LRIT1: variants seen among roughly 807,000 people sequenced by gnomAD.
LRIT1 encodes leucine rich repeat, Ig-like and transmembrane domains 1, also known as leucine-rich repeat, immunoglobulin-like domain and transmembrane domain-containing protein 1.
A neutral mutation model predicts 24.0 loss-of-function variants in LRIT1; 23 were observed. That is an observed-to-expected ratio of 0.96 (90% CI 0.69 to 1.36). LRIT1 has a LOEUF of 1.36. Among genes scored for constraint, LRIT1 ranks in the 40% most tolerant of loss-of-function variants. The pLI is 0.00. For missense variants in LRIT1, 846 were observed against 806.3 expected (o/e 1.05, Z -0.60); for synonymous variants, 361 against 340.5 (o/e 1.06, Z -0.66).
intron 1 of LRIT1, among the ~76,000 whole-genome samples, chr10:84,238,209 G>T (rs1842668165): frequency 6.6e-6 from 1 of 151,972 alleles, no homozygotes; most frequent in East Asian, 1.9e-4. Flanking sequence ...ACAAAAATTA[G>T]CCAGGCATTG....
At chr10:84,240,177 A>G (rs1412138835) in intron 1 of LRIT1, among the ~76,000 whole-genome samples, 1 of 152,170 alleles carries the variant, frequency 6.6e-6, no homozygotes, top group African/African-American at 2.4e-5. Context: ...TTTCAGCCCT[A>G]TGCCTTCTAC....
intron 2 of LRIT1, among the ~76,000 whole-genome samples, chr10:84,235,095 G>A (rs1316540651): frequency 6.6e-6 from 1 of 152,150 alleles, no homozygotes; most frequent in Non-Finnish European, 1.5e-5. Flanking sequence ...TTGCATTACT[G>A]AAATGCAAGA....
chr10:84,237,175 G>GT, intron 2 of LRIT1, 45 bp downstream of exon 2: 1 of 1,360,392 alleles, frequency 7.4e-7, no homozygotes, highest in Non-Finnish European at 1.0e-6. Context: ...TCAGGGAAGC[G>GT]TGGTAACTTG....
At chr10:84,237,830 A>G (rs933502331) in intron 1 of LRIT1, 144 bp from the exon 2 acceptor site, 4 of 650,750 alleles carry the variant, frequency 6.1e-6, no homozygotes, top group Non-Finnish European at 5.2e-6. Context: ...GGGGACCTGG[A>G]GAGGGGCCCG....
rs147135125 is a variant in LRIT1 at position 84,241,339 on chromosome 10, A to G, written c.101T>C (p.Met34Thr). The change falls in exon 1 of 4, where the codon ATG becomes ACG. Residue 34 changes from methionine to threonine, a missense_variant. Physicochemically the swap from Met to Thr is moderately conservative, Grantham distance 81 (BLOSUM62 -1). Transcript: ENST00000372105. ...PSQCSCSLHI[M>T]GDGSKARTVV... ...ATACCTGGCCTTGCTGCCATCACCC[A>G]TGATATGGAGGCTGCAGCTGCATTG... The G allele has an allele frequency of 6.3e-5, 102 of 1,613,642 alleles. No homozygotes were observed. In the African/African-American group the frequency reaches 1.3e-3, roughly 20 times the overall value.
intron 3 of LRIT1, 66 bp from the exon 4 acceptor site, chr10:84,232,969 GC>G: frequency 1.3e-6 from 2 of 1,537,384 alleles, no homozygotes; most frequent in Non-Finnish European, 1.7e-6. Flanking sequence ...GCCTTTCAGG[GC>G]CAAGTTCACA....
intron 1 of LRIT1, among the ~76,000 whole-genome samples, chr10:84,240,465 A>G (rs1243465013): frequency 2.0e-5 from 3 of 152,238 alleles, no homozygotes; most frequent in Non-Finnish European, 4.4e-5. Flanking sequence ...CATTGTTCCC[A>G]GGATCAGAAA....
In LRIT1 at chr10:84,238,678, G is replaced by A. The variant is rs1589324777; in HGVS notation, c.123-992C>T. ...TTTAAATGAGGTAATGCATGTGGAAGCCCAGCACATTGCCTGCCACCCTGC... is the reference window on the plus strand; with the variant it reads ...TTTAAATGAGGTAATGCATGTGGAAACCCAGCACATTGCCTGCCACCCTGC... On this transcript the variant is annotated intron_variant, in intron 1 of 3. Coordinates refer to ENST00000372105, the MANE Select transcript of LRIT1 (RefSeq NM_015613.3). 3.3e-5 allele frequency among the ~76,000 whole-genome samples: 5 copies of A among 152,302 alleles called. No individual in the cohort carries two copies. The Middle Eastern group carries it at 0.01, about 311-fold the overall frequency.
At position 84,232,134 on chromosome 10, in the gene LRIT1, G is replaced by A. The variant is rs1842603889; in HGVS notation, c.1665C>T (p.Arg555=). 1 of 1,614,206 alleles carries A rather than the reference G, an allele frequency of 6.2e-7. No homozygotes were observed. The change falls in exon 4 of 4, where the codon CGC becomes CGT. Residue 555 remains arginine, a synonymous_variant. Coordinates refer to ENST00000372105, the MANE Select transcript of LRIT1 (RefSeq NM_015613.3). ...AGTCCTTGTTGAAGCACTTTCGGCA[G>A]CGCTTCTGAAGAGCACTGCAGCAGA... ...LLVCCSALQK[R]CRKCFNKDST... is the part of the protein sequence containing the mutation.
rs548652543 is a variant in LRIT1, at chr10:84,232,994, C to T, written c.896-91G>A. 128 of 1,393,198 alleles carry T rather than the reference C, an allele frequency of 9.2e-5. No individual in the cohort carries two copies. The East Asian group carries it at 1.8e-3, about 19-fold the overall frequency. 86.3% of individuals were successfully genotyped at this position (1,393,198 alleles called of 1,614,324 possible). On this transcript the variant is annotated intron_variant, in intron 3 of 3. Coordinates refer to ENST00000372105, the MANE Select transcript of LRIT1 (RefSeq NM_015613.3). ...GCCAAGTTCACAGCCCCAGGTGGTA[C>T]ACACTCAGGTGTCATCGTAAGAAAA...
intron 1 of LRIT1, among the ~76,000 whole-genome samples, chr10:84,238,143 CA>C: frequency 6.6e-6 from 1 of 152,254 alleles, no homozygotes; most frequent in East Asian, 1.9e-4. Context: ...CACCTGAGGT[CA>C]GGAGTTCAAG....
Position 84,234,271 on chromosome 10 carries a change from C to T in LRIT1, c.697G>A (p.Ala233Thr). Residue 233 changes from alanine to threonine, a missense_variant, in exon 3 of 4, where the codon GCC becomes ACC. Coordinates refer to ENST00000372105, the MANE Select transcript of LRIT1 (RefSeq NM_015613.3). ...ACTCCGGCCAGGCTACGTGGGCTGG[C>T]ACATCTCAGTTCAGTCTCAATGAAG... Reference protein sequence around the residue: ...LAFIETELRCASPRSLAGVAF... With the variant: ...LAFIETELRCTSPRSLAGVAF... The T allele has an allele frequency of 6.2e-7, 1 of 1,613,804 alleles. No individual in the cohort carries two copies. Among genetic ancestry groups the T allele is most frequent in the East Asian group, 2.2e-5 (1 of 44,882 alleles).
chr10:84,237,794 A>C, intron 1 of LRIT1, 108 bp from the exon 2 acceptor site: 5 of 826,718 alleles, frequency 6.0e-6, no homozygotes, highest in African/African-American at 3.4e-5. Context: ...ATCACCGGAC[A>C]CCCACACCAG....
intron 2 of LRIT1, among the ~76,000 whole-genome samples, chr10:84,236,618 T>A (rs764818304): frequency 1.3e-5 from 2 of 152,230 alleles, no homozygotes; most frequent in Non-Finnish European, 2.9e-5. Context: ...TATGTATGTG[T>A]GTATATGTAT....
In LRIT1 at chr10:84,237,485, G is replaced by A; in HGVS notation, c.324C>T (p.Arg108=). Residue 108 remains arginine (R), a synonymous_variant, in exon 2 of 4, where the codon CGC becomes CGT. Transcript: ENST00000372105. ...TCCCGGGCAGCCGCAGCTCCCGCAG[G>A]CGTCGCAGGCCCCGCAGCATGAGGG... is the stretch of plus-strand genomic sequence containing the variant. ...LNALMLRGLR[R]LRELRLPGNR... is the part of the protein sequence containing the mutation. The A allele has an allele frequency of 1.3e-6, 2 of 1,589,968 alleles. No individual in the cohort carries two copies. Among genetic ancestry groups the A allele is most frequent in the Non-Finnish European group, 1.7e-6 (2 of 1,172,236 alleles).
intron 1 of LRIT1, among the ~76,000 whole-genome samples, chr10:84,239,377 G>A (rs1287863635): frequency 6.6e-6 from 1 of 152,162 alleles, no homozygotes; most frequent in African/African-American, 2.4e-5. Context: ...CCTAGGAGTT[G>A]GAAGCTACAG....
intron 1 of LRIT1, among the ~76,000 whole-genome samples, chr10:84,239,788 G>C (rs1472572545): frequency 6.6e-6 from 1 of 152,222 alleles, no homozygotes; most frequent in Non-Finnish European, 1.5e-5. Context: ...GCCCAGGTTA[G>C]AGAGGGATCT....
In LRIT1 at chr10:84,232,401, A is replaced by G; in HGVS notation, c.1398T>C (p.Phe466=). ...TCACCCGCCGCATGCTGTGCTGCCCAAAGACCGCGTAGAGGACACTGAAGG... is the reference window on the plus strand; with the variant it reads ...TCACCCGCCGCATGCTGTGCTGCCCGAAGACCGCGTAGAGGACACTGAAGG... ...TTAFSVLYAV[F]GQHSMRRVIV... The change falls in exon 4 of 4, where the codon TTT becomes TTC. Residue 466 remains phenylalanine (F), a synonymous_variant. Transcript: ENST00000372105. 2.5e-6 allele frequency: 4 copies of G among 1,614,098 alleles called. No individual in the cohort carries two copies. The highest frequency in any genetic ancestry group is 1.7e-5 in the Admixed American group (1 of 60,026).
chr10:84,234,784 C>T (rs1842634699), intron 2 of LRIT1, among the ~76,000 whole-genome samples: 1 of 152,148 alleles, frequency 6.6e-6, no homozygotes, highest in Non-Finnish European at 1.5e-5. Context: ...GATGCCAGTT[C>T]TCCCAGTATA....
Sources: allele counts gnomAD v4.1 joint callset (sites outside exome capture counted in the v4.1 genomes callset), GRCh38; gene constraint gnomAD v4.1.1; transcripts MANE v1.5; gene names NCBI Gene and HGNC (gene_info 2026-07-23, HGNC 2026-07-21).